The following LRRC4C variants were observed in gnomAD, a reference collection of about 807,000 sequenced individuals.
The protein encoded by LRRC4C is leucine-rich repeat-containing protein 4C.
A neutral mutation model predicts 33.6 loss-of-function variants in LRRC4C; 5 were observed. That is an observed-to-expected ratio of 0.15 (90% CI 0.08 to 0.31). The LOEUF (loss-of-function observed/expected upper bound fraction) is 0.31. LRRC4C is among the 10% of genes least tolerant of loss of function. The pLI is 1.00. For missense variants in LRRC4C, 560 were observed against 796.7 expected, an observed-to-expected ratio of 0.70 and a Z score of 3.58; for synonymous variants, 329 against 302.0, an observed-to-expected ratio of 1.09 and a Z score of -0.93.
intron 1 of LRRC4C, among the ~76,000 whole-genome samples, chr11:41,215,060 T>G (rs2136340186): frequency 6.7e-6 from 1 of 148,594 alleles, no homozygotes; most frequent in East Asian, 2.0e-4. Context: ...ATAACAGGTT[T>G]ACTGAGATAT....
At chr11:41,444,041 T>C (rs7934111) in intron 1 of LRRC4C, among the ~76,000 whole-genome samples, 7,166 of 152,234 alleles carry the variant, frequency 0.047, 236 homozygotes, top group East Asian at 0.13. Flanking sequence ...AGTCTGATAT[T>C]AGTGGAACAC....
intron 3 of LRRC4C, among the ~76,000 whole-genome samples, chr11:40,479,684 C>A (rs1308423256): frequency 2.6e-5 from 4 of 152,072 alleles, no homozygotes; most frequent in Non-Finnish European, 5.9e-5. Flanking sequence ...GAGGGTCATG[C>A]TCATATGTAA....
chr11:40,995,556 C>T (rs1853910394), intron 1 of LRRC4C, among the ~76,000 whole-genome samples: 1 of 152,148 alleles, frequency 6.6e-6, no homozygotes, highest in Non-Finnish European at 1.5e-5. Flanking sequence ...GCTGGCAGTT[C>T]TAACTTCAAA....
In LRRC4C at chr11:40,364,792, A is replaced by G. The variant is rs112389063; in HGVS notation, c.-269-45071T>C. Among the ~76,000 whole-genome samples the G allele has an allele frequency of 7.3e-3, 1,110 of 152,140 alleles. 14 individuals are homozygous for G. Among genetic ancestry groups the G allele is most frequent in the African/African-American group, 0.025 (1,053 of 41,572 alleles). On this transcript the variant is annotated intron_variant, in intron 3 of 6. Coordinates refer to ENST00000528697, the MANE Select transcript of LRRC4C (RefSeq NM_001258419.2). The stretch of plus-strand genomic sequence containing the variant: ...ATAAAAATGGTAATGCATCTTATAA[A>G]CAGCCAAAATAGACCCACTCCTACA...
chr11:41,363,788 C>T (rs537170996), intron 1 of LRRC4C, among the ~76,000 whole-genome samples: 1 of 152,234 alleles, frequency 6.6e-6, no homozygotes, highest in South Asian at 2.1e-4. Context: ...CCGCCAACAG[C>T]AAAACTATTT....
intron 1 of LRRC4C, among the ~76,000 whole-genome samples, chr11:41,412,920 C>T (rs79371681): frequency 6.6e-6 from 1 of 152,098 alleles, no homozygotes; most frequent in South Asian, 2.1e-4. Context: ...TTCATTCCAG[C>T]CCCTCTCTCA....
chr11:41,245,956 G>C (rs1948434857), intron 1 of LRRC4C, among the ~76,000 whole-genome samples: 1 of 152,172 alleles, frequency 6.6e-6, no homozygotes, highest in Non-Finnish European at 1.5e-5. Flanking sequence ...TGTGCTGATT[G>C]GTCCCTGGGT....
At chr11:41,041,377 G>A (rs1194085756) in intron 1 of LRRC4C, among the ~76,000 whole-genome samples, 1 of 152,166 alleles carries the variant, frequency 6.6e-6, no homozygotes, top group African/African-American at 2.4e-5. Flanking sequence ...TTACATTTCA[G>A]ATATGGATAA....
intron 2 of LRRC4C, among the ~76,000 whole-genome samples, chr11:40,926,458 G>A (rs2136416197): frequency 6.6e-6 from 1 of 152,290 alleles, no homozygotes; most frequent in African/African-American, 2.4e-5. Flanking sequence ...CTATCAGATT[G>A]GCAAATGTTT....
At chr11:40,989,921 T>C (rs986036923) in intron 1 of LRRC4C, among the ~76,000 whole-genome samples, 1 of 151,846 alleles carries the variant, frequency 6.6e-6, no homozygotes, top group African/African-American at 2.4e-5. Context: ...TTATAACAAC[T>C]CTTTCATAGT....
intron 1 of LRRC4C, among the ~76,000 whole-genome samples, chr11:41,223,669 A>G (rs1462693830): frequency 6.6e-6 from 1 of 152,188 alleles, no homozygotes; most frequent in Non-Finnish European, 1.5e-5. Flanking sequence ...GCTACAAAAA[A>G]ATGTCTTAAG....
chr11:41,283,783 A>G (rs1204072238), intron 1 of LRRC4C, among the ~76,000 whole-genome samples: 5 of 152,206 alleles, frequency 3.3e-5, no homozygotes, highest in Non-Finnish European at 5.9e-5. Context: ...GAAAGTATAC[A>G]TTCCGGAACT....
At chr11:40,553,495 G>T (rs1165092003) in intron 3 of LRRC4C, among the ~76,000 whole-genome samples, 1 of 151,896 alleles carries the variant, frequency 6.6e-6, no homozygotes, top group Non-Finnish European at 1.5e-5. Flanking sequence ...CACTATCATA[G>T]AAACTATATT....
At chr11:41,361,027 A>T (rs1374542581) in intron 1 of LRRC4C, among the ~76,000 whole-genome samples, 1 of 152,252 alleles carries the variant, frequency 6.6e-6, no homozygotes, top group East Asian at 1.9e-4. Context: ...TTGAGTCTAA[A>T]TCAAAAGAGT....
intron 1 of LRRC4C, among the ~76,000 whole-genome samples, chr11:41,303,116 T>TCCCTCA (rs1950333055): frequency 9.2e-6 from 1 of 108,820 alleles, no homozygotes; most frequent in African/African-American, 3.4e-5. Context: ...CCTCTCCCTC[T>TCCCTCA]CCCTCACCCC....
intron 2 of LRRC4C, among the ~76,000 whole-genome samples, chr11:40,766,905 G>A (rs747729651): frequency 6.6e-6 from 1 of 151,540 alleles, no homozygotes; most frequent in Non-Finnish European, 1.5e-5. Flanking sequence ...AGGAAAGGAG[G>A]GAGGGAAGGA....
intron 1 of LRRC4C, among the ~76,000 whole-genome samples, chr11:41,091,816 G>A (rs1210943795): frequency 6.6e-6 from 1 of 152,026 alleles, no homozygotes; most frequent in Non-Finnish European, 1.5e-5. Flanking sequence ...AATTTAAGTT[G>A]GACCAATGTC....
chr11:40,567,629 G>C (rs543730427), intron 3 of LRRC4C, among the ~76,000 whole-genome samples: 1 of 152,170 alleles, frequency 6.6e-6, no homozygotes, highest in Non-Finnish European at 1.5e-5. Flanking sequence ...CCAGTCCCAT[G>C]ACTCTGTAAT....
intron 1 of LRRC4C, among the ~76,000 whole-genome samples, chr11:41,392,774 TA>T (rs763877758): frequency 3.1e-4 from 47 of 151,820 alleles, no homozygotes; most frequent in Non-Finnish European, 4.1e-4. Flanking sequence ...GATGTAGCTG[TA>T]AGCCAAGGAA....
Sources: allele counts gnomAD v4.1 joint callset (sites outside exome capture counted in the v4.1 genomes callset), GRCh38; gene constraint gnomAD v4.1.1; transcripts MANE v1.5; gene names NCBI Gene and HGNC (gene_info 2026-07-23, HGNC 2026-07-21).